The following RXRA variants were observed in gnomAD, a reference collection of about 807,000 sequenced individuals.
The protein encoded by RXRA is retinoid X receptor alpha, also known as retinoic acid receptor RXR-alpha.
Under a neutral mutation model 44.5 loss-of-function variants are expected in RXRA, and 5 were observed. The observed-to-expected ratio is 0.11, with a 90% CI of 0.06 to 0.24. RXRA has a LOEUF of 0.24. RXRA is among the 10% of genes least tolerant of loss of function. RXRA has a pLI of 1.00. For missense variants in RXRA, 412 were observed against 646.5 expected, an observed-to-expected ratio of 0.64 and a Z score of 3.93; for synonymous variants, 291 against 271.4, an observed-to-expected ratio of 1.07 and a Z score of -0.71.
chr9:134,370,703 G>A (rs750487380), intron 1 of RXRA, among the ~76,000 whole-genome samples: 2 of 151,494 alleles, frequency 1.3e-5, no homozygotes, highest in African/African-American at 2.4e-5. Flanking sequence ...GCAGACTGGG[G>A]CCAGGGAGAT....
intron 1 of RXRA, among the ~76,000 whole-genome samples, chr9:134,339,801 CTGTG>C (rs1554747886): frequency 8.1e-6 from 1 of 123,664 alleles, no homozygotes; most frequent in Non-Finnish European, 1.7e-5. Flanking sequence ...GTGTATGAGT[CTGTG>C]TGTAAGCCTC....
chr9:134,424,231 G>A, intron 6 of RXRA: 1 of 985,422 alleles, frequency 1.0e-6, no homozygotes, highest in Non-Finnish European at 1.2e-6. Flanking sequence ...CTCCCCGCAA[G>A]GCCCTTCCCT....
intron 1 of RXRA, among the ~76,000 whole-genome samples, chr9:134,367,096 T>A (rs1238941673): frequency 2.0e-5 from 3 of 152,176 alleles, no homozygotes; most frequent in African/African-American, 7.2e-5. Flanking sequence ...TGGGTTTTCA[T>A]CCACACACTT....
At chr9:134,369,488 A>G (rs1182060056) in intron 1 of RXRA, among the ~76,000 whole-genome samples, 2 of 84,720 alleles carry the variant, frequency 2.4e-5, no homozygotes, top group Non-Finnish European at 4.3e-5. Flanking sequence ...TGTGGGTTGT[A>G]TGTGTGAGAG....
chr9:134,406,577 C>T (rs963434137), intron 2 of RXRA, among the ~76,000 whole-genome samples: 11 of 152,206 alleles, frequency 7.2e-5, no homozygotes, highest in African/African-American at 2.4e-4. Flanking sequence ...CCAAGCGAGA[C>T]AGCCACTAGA....
At chr9:134,328,608 T>C (rs781788054) in intron 1 of RXRA, among the ~76,000 whole-genome samples, 2 of 152,318 alleles carry the variant, frequency 1.3e-5, no homozygotes, top group Non-Finnish European at 2.9e-5. Context: ...TCTAAGCTTG[T>C]GACCAGCTCT....
intron 8 of RXRA, 25 bp from the exon 9 acceptor site, chr9:134,434,077 C>T (rs1831575605): frequency 6.3e-6 from 10 of 1,590,606 alleles, no homozygotes; most frequent in Non-Finnish European, 8.6e-6. Flanking sequence ...GCTGAGGGTT[C>T]TGACCTGTGG....
chr9:134,333,609 C>T (rs190961532), intron 1 of RXRA, among the ~76,000 whole-genome samples: 278 of 152,292 alleles, frequency 1.8e-3, no homozygotes, highest in African/African-American at 6.4e-3. Flanking sequence ...ACCCCGGGTG[C>T]GGCCGCCGGC....
Position 134,429,121 on chromosome 9 carries a change from G to A in RXRA, c.924G>A (p.Leu308=). 1 of 1,613,002 alleles carries A rather than the reference G, an allele frequency of 6.2e-7. No individual in the cohort carries two copies. The change falls in exon 7 of 10, where the codon CTG becomes CTA. Residue 308 remains leucine (L), a synonymous_variant. Coordinates refer to ENST00000481739, the MANE Select transcript of RXRA (RefSeq NM_002957.6). ...VILLRAGWNE[L]LIASFSHRSI... is the part of the protein sequence containing the mutation. ...CCTCCTCCCCAGGCTGGAATGAGCT[G>A]CTCATCGCCTCCTTCTCCCACCGCT...
rs185361640 is a variant in RXRA, at chr9:134,387,834, C to T, written c.29-13798C>T. Among the ~76,000 whole-genome samples, 11 of 152,336 alleles carry T rather than the reference C, an allele frequency of 7.2e-5. No homozygotes were observed. The East Asian group carries it at 2.1e-3, about 29-fold the overall frequency. On this transcript the variant is annotated intron_variant, in intron 1 of 9. Transcript: ENST00000481739. Reference sequence around the variant, plus strand: ...TCTCCCCTTTTCCCCAAGCCCGTGCCTCGCTTGGGCTGTCTGGAGTGATCG... The same window carrying T: ...TCTCCCCTTTTCCCCAAGCCCGTGCTTCGCTTGGGCTGTCTGGAGTGATCG...
chr9:134,409,722 C>T (rs1385216639), intron 4 of RXRA, among the ~76,000 whole-genome samples: 1 of 152,232 alleles, frequency 6.6e-6, no homozygotes, highest in Non-Finnish European at 1.5e-5. Context: ...CTGTCACATC[C>T]CCTTTCCCTC....
chr9:134,389,137 T>C (rs1791601001), intron 1 of RXRA, among the ~76,000 whole-genome samples: 1 of 152,128 alleles, frequency 6.6e-6, no homozygotes, highest in Non-Finnish European at 1.5e-5. Context: ...GTGGACGCCC[T>C]CAGCTCGCTC....
At chr9:134,358,214 C>G (rs1830305510) in intron 1 of RXRA, among the ~76,000 whole-genome samples, 2 of 152,252 alleles carry the variant, frequency 1.3e-5, no homozygotes, top group South Asian at 4.1e-4. Flanking sequence ...TCTGCCTGCA[C>G]AGTCCTTGGG....
At chr9:134,424,402 T>A in intron 6 of RXRA, 1 of 985,308 alleles carries the variant, frequency 1.0e-6, no homozygotes, top group Non-Finnish European at 1.2e-6. Context: ...CAGCCTGACC[T>A]CCCCCTGGGC....
chr9:134,378,491 T>C (rs754804255), intron 1 of RXRA, among the ~76,000 whole-genome samples: 52 of 152,060 alleles, frequency 3.4e-4, no homozygotes, highest in Non-Finnish European at 6.9e-4. Flanking sequence ...TGGAGGCAAA[T>C]GTGGATGCTT....
At chr9:134,358,045 C>A (rs1830303758) in intron 1 of RXRA, among the ~76,000 whole-genome samples, 1 of 152,246 alleles carries the variant, frequency 6.6e-6, no homozygotes, top group South Asian at 2.1e-4. Context: ...ATCCCTGCTG[C>A]TCGCTGGCCC....
intron 6 of RXRA, chr9:134,422,393 C>T (rs1322244364): frequency 2.3e-6 from 3 of 1,276,728 alleles, no homozygotes; most frequent in Non-Finnish European, 3.1e-6. Flanking sequence ...TCCCGGGACA[C>T]TCCCCCGTCC....
intron 1 of RXRA, among the ~76,000 whole-genome samples, chr9:134,361,576 G>GTGAT (rs1830352657): frequency 6.6e-6 from 1 of 152,232 alleles, no homozygotes; most frequent in Admixed American, 6.5e-5. Flanking sequence ...TCCAACGTGC[G>GTGAT]TGATTCATCA....
At chr9:134,378,505 G>A (rs1408281812) in intron 1 of RXRA, among the ~76,000 whole-genome samples, 1 of 152,202 alleles carries the variant, frequency 6.6e-6, no homozygotes, top group Non-Finnish European at 1.5e-5. Flanking sequence ...GATGCTTGTT[G>A]GTTTATTTGC....
Sources: gnomAD v4.1 joint callset for allele counts (sites outside exome capture counted in the v4.1 genomes callset) on GRCh38, gnomAD v4.1.1 for gene constraint, MANE v1.5 for transcripts, NCBI Gene and HGNC (gene_info 2026-07-23, HGNC 2026-07-21) for gene names.